Variants in CSMD1 observed in about 807,000 individuals in gnomAD.
CSMD1 encodes CUB and sushi domain-containing protein 1.
A neutral mutation model predicts 417.5 loss-of-function variants in CSMD1; 213 were observed. That is an observed-to-expected ratio of 0.51 (90% CI 0.46 to 0.57). The LOEUF (loss-of-function observed/expected upper bound fraction) is 0.57. Among genes scored for constraint, CSMD1 ranks in the 20% least tolerant of loss-of-function variants. CSMD1 has a pLI of 0.00. For synonymous variants in CSMD1, 2,862 were observed against 1,736.8 expected (o/e 1.65, Z -16.11); for missense variants, 6,923 against 4,529.7 (o/e 1.53, Z -15.17).
intron 11 of CSMD1, among the ~76,000 whole-genome samples, chr8:3,475,324 A>C (rs1422535956): frequency 6.6e-6 from 1 of 152,148 alleles, no homozygotes; most frequent in African/African-American, 2.4e-5. Flanking sequence ...CTTTATCCCT[A>C]GTCTCTAGTA....
intron 7 of CSMD1, among the ~76,000 whole-genome samples, chr8:3,675,395 C>T (rs926257042): frequency 2.0e-5 from 3 of 152,128 alleles, no homozygotes; most frequent in Non-Finnish European, 4.4e-5. Flanking sequence ...GATATGCTAT[C>T]TTGTTTTGTT....
chr8:4,045,143 G>T (rs557663810), intron 3 of CSMD1, among the ~76,000 whole-genome samples: 1 of 152,298 alleles, frequency 6.6e-6, no homozygotes, highest in African/African-American at 2.4e-5. Flanking sequence ...CCTCCCACCT[G>T]CAGCGGCCAC....
At chr8:3,810,477 G>C (rs975328704) in intron 5 of CSMD1, among the ~76,000 whole-genome samples, 2 of 152,076 alleles carry the variant, frequency 1.3e-5, no homozygotes, top group African/African-American at 4.8e-5. Context: ...CAGACTCTGA[G>C]GCAGCCTTTG....
intron 5 of CSMD1, among the ~76,000 whole-genome samples, chr8:3,807,911 G>A (rs1800837144): frequency 6.6e-6 from 1 of 152,104 alleles, no homozygotes; most frequent in Non-Finnish European, 1.5e-5. Flanking sequence ...TAATCACATA[G>A]AAAAAATAAA....
intron 20 of CSMD1, among the ~76,000 whole-genome samples, chr8:3,364,859 A>G (rs1292235782): frequency 1.3e-5 from 2 of 152,204 alleles, no homozygotes; most frequent in Non-Finnish European, 2.9e-5. Flanking sequence ...GGCAAGTGGC[A>G]CAAACAGACT....
chr8:4,503,277 TATG>T (rs1201755826), intron 2 of CSMD1, among the ~76,000 whole-genome samples: 1 of 152,160 alleles, frequency 6.6e-6, no homozygotes, highest in African/African-American at 2.4e-5. Flanking sequence ...GCTTGACATT[TATG>T]ATAAGAAGGT....
intron 5 of CSMD1, among the ~76,000 whole-genome samples, chr8:3,995,441 T>TAAA (rs1468207979): frequency 5.3e-5 from 8 of 152,236 alleles, no homozygotes; most frequent in Admixed American, 2.0e-4. Flanking sequence ...CCCCGACAGT[T>TAAA]ACCTGTTCAA....
chr8:4,510,254 T>C (rs755938497), intron 2 of CSMD1, among the ~76,000 whole-genome samples: 4 of 151,908 alleles, frequency 2.6e-5, no homozygotes, highest in Non-Finnish European at 4.4e-5. Flanking sequence ...CTCTTTCCTT[T>C]ATAAATGACC....
chr8:4,645,486 C>T (rs558919019), intron 1 of CSMD1, among the ~76,000 whole-genome samples: 8 of 111,938 alleles, frequency 7.1e-5, no homozygotes, highest in African/African-American at 2.0e-4. Flanking sequence ...AAGCACTGGG[C>T]TTCGGATCAA....
chr8:4,729,752 G>C (rs1402606218), intron 1 of CSMD1, among the ~76,000 whole-genome samples: 3 of 152,158 alleles, frequency 2.0e-5, no homozygotes, highest in African/African-American at 7.2e-5. Context: ...TGTAGGGAAG[G>C]ATCTCATAAA....
intron 31 of CSMD1, 85 bp from the exon 32 acceptor site, chr8:3,201,810 T>A: frequency 1.5e-6 from 1 of 651,574 alleles, no homozygotes; most frequent in South Asian, 2.3e-5. Flanking sequence ...TATCTATTAA[T>A]TGCCCCAATG....
intron 3 of CSMD1, among the ~76,000 whole-genome samples, chr8:4,243,679 T>C (rs976404255): frequency 2.6e-5 from 4 of 152,166 alleles, no homozygotes; most frequent in East Asian, 1.9e-4. Flanking sequence ...AACTTAATTT[T>C]TGATTAAATT....
At chr8:4,198,630 G>A (rs1799475763) in intron 3 of CSMD1, among the ~76,000 whole-genome samples, 1 of 152,122 alleles carries the variant, frequency 6.6e-6, no homozygotes, top group African/African-American at 2.4e-5. Flanking sequence ...TAGATCGATG[G>A]ATAATGTCCC....
intron 10 of CSMD1, among the ~76,000 whole-genome samples, chr8:3,529,632 T>C (rs770988964): frequency 3.3e-5 from 5 of 152,236 alleles, no homozygotes; most frequent in African/African-American, 4.8e-5. Flanking sequence ...TTGTCAAAAG[T>C]ATAGTGTTTG....
At chr8:3,660,228 C>T (rs1032282170) in intron 7 of CSMD1, among the ~76,000 whole-genome samples, 1 of 152,236 alleles carries the variant, frequency 6.6e-6, no homozygotes, top group African/African-American at 2.4e-5. Context: ...TTTGAAGCCT[C>T]TGCTATTTAC....
chr8:3,563,849 A>G (rs1799580366), intron 10 of CSMD1, among the ~76,000 whole-genome samples: 1 of 152,182 alleles, frequency 6.6e-6, no homozygotes, highest in African/African-American at 2.4e-5. Flanking sequence ...AGAGTATGCC[A>G]TCGCACTCCA....
In CSMD1 at chr8:3,344,070, C is replaced by G. The variant is rs547469800; in HGVS notation, c.3475-620G>C. On this transcript the variant is annotated intron_variant, in intron 22 of 69. Coordinates refer to ENST00000635120, the MANE Select transcript of CSMD1 (RefSeq NM_033225.6). ...CTGTATGTGGCATTATCTTCCCAAG[C>G]AGTTGTAAAACGAGAGTAGATGTAA... is the stretch of plus-strand genomic sequence containing the variant. Among the ~76,000 whole-genome samples the G allele has an allele frequency of 3.3e-5, 5 of 152,178 alleles. No homozygotes were observed. The South Asian group carries it at 1.0e-3, about 32-fold the overall frequency.
chr8:3,238,365 C>T (rs1359633381), intron 26 of CSMD1, among the ~76,000 whole-genome samples: 1 of 152,076 alleles, frequency 6.6e-6, no homozygotes, highest in Non-Finnish European at 1.5e-5. Flanking sequence ...ATGCAGGTCA[C>T]AGGGGATATG....
intron 1 of CSMD1, among the ~76,000 whole-genome samples, chr8:4,941,040 T>C (rs543826757): frequency 8.3e-4 from 126 of 152,344 alleles, no homozygotes; most frequent in African/African-American, 3.0e-3. Context: ...ACTTTTCATT[T>C]CTGTTATTAT....
Sources: gnomAD v4.1 joint callset for allele counts (sites outside exome capture counted in the v4.1 genomes callset) on GRCh38, gnomAD v4.1.1 for gene constraint, MANE v1.5 for transcripts, NCBI Gene and HGNC (gene_info 2026-07-23, HGNC 2026-07-21) for gene names.